JARID2: variants seen among roughly 807,000 people sequenced by gnomAD.
JARID2 encodes the protein jumonji and AT-rich interaction domain containing 2.
Under a neutral mutation model 125.6 loss-of-function variants are expected in JARID2, and 21 were observed. The ratio of observed to expected loss-of-function variants is 0.17; its 90% CI spans 0.12 to 0.24. The LOEUF is 0.24. Among genes scored for constraint, JARID2 ranks in the 10% least tolerant of loss-of-function variants. JARID2 has a pLI of 1.00. For synonymous variants in JARID2, 736 were observed against 661.6 expected, an observed-to-expected ratio of 1.11 and a Z score of -1.73; for missense variants, 1,303 against 1,639.6, an observed-to-expected ratio of 0.79 and a Z score of 3.55.
At chr6:15,366,110 C>G (rs554631237) in intron 1 of JARID2, among the ~76,000 whole-genome samples, 105 of 152,226 alleles carry the variant, frequency 6.9e-4, no homozygotes, top group Non-Finnish European at 1.1e-3. Context: ...TTATTTGGTG[C>G]TTTCGTTTTT....
chr6:15,284,259 C>T (rs1217348172), intron 1 of JARID2, among the ~76,000 whole-genome samples: 2 of 152,178 alleles, frequency 1.3e-5, no homozygotes, highest in Non-Finnish European at 2.9e-5. Flanking sequence ...CTGGAATCCT[C>T]AAAAATGATT....
At chr6:15,414,842 T>C (rs1381386535) in intron 3 of JARID2, among the ~76,000 whole-genome samples, 2 of 152,182 alleles carry the variant, frequency 1.3e-5, no homozygotes, top group African/African-American at 4.8e-5. Context: ...TTATTGATCA[T>C]TCTTGGGTGT....
intron 2 of JARID2, among the ~76,000 whole-genome samples, chr6:15,383,777 C>T (rs1419528990): frequency 6.6e-6 from 1 of 152,068 alleles, no homozygotes; most frequent in Non-Finnish European, 1.5e-5. Flanking sequence ...CACCTGCCTG[C>T]TTGACTGCTG....
intron 5 of JARID2, among the ~76,000 whole-genome samples, chr6:15,485,721 A>T (rs1019124358): frequency 5.9e-5 from 9 of 152,262 alleles, no homozygotes; most frequent in Admixed American, 1.3e-4. Context: ...ATTTGTTAGC[A>T]GATTTGGCAC....
chr6:15,246,487 T>G lies in JARID2; in HGVS notation c.-53T>G. The G allele has an allele frequency of 6.5e-7, 1 of 1,547,850 alleles. No individual in the cohort carries two copies. The highest frequency in any genetic ancestry group is 8.9e-7 in the Non-Finnish European group (1 of 1,122,802). On this transcript the variant is annotated 5_prime_UTR_variant, in exon 1 of 18. Coordinates refer to ENST00000341776, the MANE Select transcript of JARID2 (RefSeq NM_004973.4). ...TATTTTTTTGCAAATTTCTGACGGC[T>G]TTAAATTCATGAAGCAATTGTCCCC...
At chr6:15,384,706 AC>A (rs1438006625) in intron 2 of JARID2, among the ~76,000 whole-genome samples, 2 of 151,260 alleles carry the variant, frequency 1.3e-5, no homozygotes, top group African/African-American at 4.9e-5. Context: ...TCCCGCCCCA[AC>A]CCCCCGAACT....
chr6:15,502,080 C>G (rs557727071), intron 8 of JARID2, among the ~76,000 whole-genome samples: 2 of 152,254 alleles, frequency 1.3e-5, no homozygotes, highest in African/African-American at 4.8e-5. Flanking sequence ...TCACCATTCA[C>G]ACGCTGTGGA....
At chr6:15,517,083 G>A (rs1373159285) in intron 16 of JARID2, 78 bp from the exon 17 acceptor site, 18 of 1,051,148 alleles carry the variant, frequency 1.7e-5, no homozygotes, top group Middle Eastern at 4.1e-4. Flanking sequence ...CTGCCCGGCC[G>A]GGCGTGCTCC....
chr6:15,325,125 C>T (rs897510072), intron 1 of JARID2, among the ~76,000 whole-genome samples: 1 of 151,978 alleles, frequency 6.6e-6, no homozygotes, highest in Non-Finnish European at 1.5e-5. Flanking sequence ...CCTTTACTTC[C>T]TCTTCAAACA....
At chr6:15,515,758 A>AAAAAAC (rs879514865) in intron 16 of JARID2, among the ~76,000 whole-genome samples, 2 of 151,016 alleles carry the variant, frequency 1.3e-5, no homozygotes, top group East Asian at 1.9e-4. Flanking sequence ...CTTTAAAAAA[A>AAAAAAC]AAAAACAAAA....
intron 3 of JARID2, among the ~76,000 whole-genome samples, chr6:15,439,169 C>T (rs1460118157): frequency 6.6e-6 from 1 of 152,100 alleles, no homozygotes; most frequent in African/African-American, 2.4e-5. Flanking sequence ...CAAGAGGACT[C>T]AGTGAAGCTA....
At chr6:15,335,661 T>C (rs961746359) in intron 1 of JARID2, among the ~76,000 whole-genome samples, 3 of 152,190 alleles carry the variant, frequency 2.0e-5, no homozygotes, top group African/African-American at 7.2e-5. Context: ...TTTCTCCTAG[T>C]GTCCACTGTC....
intron 1 of JARID2, among the ~76,000 whole-genome samples, chr6:15,370,606 G>T (rs1764131989): frequency 6.6e-6 from 1 of 152,058 alleles, no homozygotes; most frequent in Admixed American, 6.6e-5. Flanking sequence ...CTCCCAAAGT[G>T]CTGGGATTAC....
At chr6:15,380,324 C>T (rs915342866) in intron 2 of JARID2, among the ~76,000 whole-genome samples, 13 of 152,094 alleles carry the variant, frequency 8.5e-5, no homozygotes, top group Non-Finnish European at 1.5e-4. Context: ...CGTGAGCCAC[C>T]GTGCCTGGCC....
chr6:15,270,143 T>C (rs2127351008), intron 1 of JARID2, among the ~76,000 whole-genome samples: 1 of 152,254 alleles, frequency 6.6e-6, no homozygotes, highest in Middle Eastern at 3.4e-3. Flanking sequence ...CGTCCGTCCT[T>C]CCGTCTTTGA....
chr6:15,390,331 G>C (rs1369653150), intron 2 of JARID2, among the ~76,000 whole-genome samples: 2 of 152,068 alleles, frequency 1.3e-5, no homozygotes, highest in Non-Finnish European at 2.9e-5. Flanking sequence ...GAACCCAACA[G>C]TGCTTGTTGG....
At chr6:15,497,539 A>C (rs1437337818) in intron 7 of JARID2, among the ~76,000 whole-genome samples, 1 of 151,760 alleles carries the variant, frequency 6.6e-6, no homozygotes, top group Non-Finnish European at 1.5e-5. Context: ...AGTCCCAGCT[A>C]CTTGGAGAGG....
intron 1 of JARID2, among the ~76,000 whole-genome samples, chr6:15,360,280 G>GTTCAAGC (rs1274144780): frequency 1.3e-5 from 2 of 152,192 alleles, no homozygotes; most frequent in East Asian, 3.9e-4. Flanking sequence ...CTGGGTCCTG[G>GTTCAAGC]TTCAAGCAGT....
chr6:15,401,683 G>T lies in JARID2; in HGVS notation c.182-8541G>T, dbSNP rs1283155494. ...TTCGAGTGCTCTTGATTCTTCTCCC[G>T]AATTTCGTGCATTAATTCATGTCTG... On this transcript the variant is annotated intron_variant, in intron 2 of 17. Transcript: ENST00000341776. 2.0e-5 allele frequency among the ~76,000 whole-genome samples: 3 copies of T among 152,054 alleles called. No individual in the cohort carries two copies. In the South Asian group the frequency reaches 6.2e-4, roughly 32 times the overall value.
Sources: gnomAD v4.1 joint callset for allele counts (sites outside exome capture counted in the v4.1 genomes callset) on GRCh38, gnomAD v4.1.1 for gene constraint, MANE v1.5 for transcripts, NCBI Gene and HGNC (gene_info 2026-07-23, HGNC 2026-07-21) for gene names.